TMEM150B: variants seen among roughly 807,000 people sequenced by gnomAD.
The protein encoded by TMEM150B is modulator of macroautophagy TMEM150B.
In TMEM150B, 33 loss-of-function variants were observed where a neutral mutation model predicts 25.2. That is an observed-to-expected ratio of 1.31 (90% CI 0.99 to 1.75). The LOEUF is 1.75. TMEM150B is among the 40% of genes most tolerant of loss of function. The pLI is 0.00. For missense variants in TMEM150B, 322 were observed against 306.1 expected, an observed-to-expected ratio of 1.05 and a Z score of -0.39; for synonymous variants, 133 against 134.8, an observed-to-expected ratio of 0.99 and a Z score of 0.09.
chr19:55,319,619 A>G (rs543379545), intron 6 of TMEM150B: 496 of 413,258 alleles, frequency 1.2e-3, no homozygotes, highest in Admixed American at 3.6e-3. Flanking sequence ...TAATTTTTGT[A>G]TATTTTAGGA....
At chr19:55,320,244 G>T (rs1600228358) in intron 5 of TMEM150B, 78 bp from the exon 6 acceptor site, 2 of 1,553,646 alleles carry the variant, frequency 1.3e-6, no homozygotes, top group East Asian at 4.5e-5. Context: ...AGTGAGGGGA[G>T]CAAGGTGAGG....
rs1462434532 is a variant in TMEM150B, at chr19:55,312,877, G to C, written c.684C>G (p.Ser228=). ...SLSPPPASPI[S]LPVQL ...GTGCCTGCTACAGCTGGACCGGCAG[G>C]GAGATGGGGGAGGCCGGCGGGGGGC... Residue 228 remains serine, a synonymous_variant, in exon 8 of 8, where the codon TCC becomes TCG. Coordinates refer to ENST00000326652, the MANE Select transcript of TMEM150B (RefSeq NM_001282011.2). 1 of 1,595,934 alleles carries C rather than the reference G, an allele frequency of 6.3e-7. No homozygotes were observed. Among genetic ancestry groups the C allele is most frequent in the African/African-American group, 1.3e-5 (1 of 74,466 alleles).
At chr19:55,321,405 C>A (rs1351013646) in intron 2 of TMEM150B, among the ~76,000 whole-genome samples, 1 of 152,018 alleles carries the variant, frequency 6.6e-6, no homozygotes, top group Non-Finnish European at 1.5e-5. Flanking sequence ...AGTCCTGGGA[C>A]TGGGGCTGGG....
chr19:55,311,890 A>T, downstream of TMEM150B: 1 of 1,609,872 alleles, frequency 6.2e-7, no homozygotes, highest in African/African-American at 1.3e-5. Flanking sequence ...AACCCACGAA[A>T]AACCTCTTCC....
Position 55,313,104 on chromosome 19 carries a change from C to T in TMEM150B, c.506-49G>A, listed in dbSNP as rs753236789. 2.4e-5 allele frequency: 37 copies of T among 1,537,956 alleles called. 1 individual carries two copies. The highest frequency in any genetic ancestry group is 4.8e-5 in the East Asian group (2 of 41,938). On this transcript the variant is annotated intron_variant, in intron 7 of 7. Coordinates refer to ENST00000326652, the MANE Select transcript of TMEM150B (RefSeq NM_001282011.2). ...CTGCTACCGTGACAGACGCGGAGCC[C>T]GGCCTGGTCTCTGTGCCGCCTCGCG... is the stretch of plus-strand genomic sequence containing the variant.
chr19:55,320,969 A>G lies in TMEM150B; in HGVS notation c.68T>C (p.Val23Ala), dbSNP rs773310613. 5 of 1,613,334 alleles carry G rather than the reference A, an allele frequency of 3.1e-6. No homozygotes were observed. The highest frequency in any genetic ancestry group is 4.2e-6 in the Non-Finnish European group (5 of 1,179,610). Reference protein sequence around the residue: ...AVWAISGVWIVFAIAVTNRTV... With the variant: ...AVWAISGVWIAFAIAVTNRTV... ...AGTCCATCATGCCTCTGACACTCACACGATCCAGACGCCAGAGATAGCCCA... is the reference window on the plus strand; with the variant it reads ...AGTCCATCATGCCTCTGACACTCACGCGATCCAGACGCCAGAGATAGCCCA... The change falls in exon 3 of 8, where the codon GTT becomes GCT. Residue 23 changes from valine (V) to alanine (A), a missense_variant and splice_region_variant. Val to Ala is a moderately conservative substitution (Grantham distance 64). Transcript: ENST00000326652.
chr19:55,321,216 T>G (rs1473945706), intron 2 of TMEM150B, 123 bp from the exon 3 acceptor site: 1 of 1,331,802 alleles, frequency 7.5e-7, no homozygotes, highest in Non-Finnish European at 9.8e-7. Flanking sequence ...CAGCTCTCCA[T>G]TTCCAGGCAA....
chr19:55,316,413 A>G (rs1461363903), intron 7 of TMEM150B, among the ~76,000 whole-genome samples: 3 of 152,018 alleles, frequency 2.0e-5, no homozygotes, highest in Admixed American at 6.6e-5. Context: ...TTAGTATATC[A>G]TTCTTCCAGC....
intron 1 of TMEM150B, chr19:55,324,932 G>T: frequency 1.0e-6 from 1 of 968,390 alleles, no homozygotes; most frequent in Non-Finnish European, 1.2e-6. Context: ...AGCTATGAGG[G>T]AGCCCAGGGG....
chr19:55,319,683 CAGG>C, intron 6 of TMEM150B: 1 of 1,013,130 alleles, frequency 9.9e-7, no homozygotes, highest in Non-Finnish European at 1.2e-6. Flanking sequence ...CTCCTCACCT[CAGG>C]CGATCCGCCT....
downstream of TMEM150B, chr19:55,312,616 C>T (rs904365831): frequency 1.9e-5 from 8 of 418,496 alleles, no homozygotes; most frequent in Admixed American, 4.1e-5. Flanking sequence ...CTTGGCCTCT[C>T]GATTCCTGGG....
In TMEM150B at chr19:55,316,939, C is replaced by T. The variant is rs1348387351; in HGVS notation, c.352G>A (p.Ala118Thr). The T allele has an allele frequency of 6.2e-7, 1 of 1,604,890 alleles. No individual in the cohort carries two copies. The highest frequency in any genetic ancestry group is 8.5e-7 in the Non-Finnish European group (1 of 1,177,058). ...AAGATGAAGGCAAGGAAGGCCCCTG[C>T]CAAGTGCGTAGGCCGCTGGTTCTTT... ...QEKNQRPTHL[A>T]GAFLAFILGN... The change falls in exon 7 of 8, where the codon GCA (alanine) becomes ACA (threonine). Residue 118 changes from alanine to threonine, a missense_variant. Coordinates refer to ENST00000326652, the MANE Select transcript of TMEM150B (RefSeq NM_001282011.2).
rs979399979 is a variant in TMEM150B, at chr19:55,321,806, G to A, written c.-57-713C>T. 7.9e-5 allele frequency among the ~76,000 whole-genome samples: 12 copies of A among 152,166 alleles called. No homozygotes were observed. The East Asian group carries it at 2.3e-3, about 29-fold the overall frequency. ...AACCTCCCAGCTCTTACCTACTCGG[G>A]TACCCAAGAGTGAGGGCCTCAGGTC... On this transcript the variant is annotated intron_variant, in intron 2 of 7. Coordinates refer to ENST00000326652, the MANE Select transcript of TMEM150B (RefSeq NM_001282011.2).
intron 7 of TMEM150B, 87 bp from the exon 8 acceptor site, chr19:55,313,142 C>T (rs1003426886): frequency 2.8e-5 from 39 of 1,373,310 alleles, no homozygotes; most frequent in African/African-American, 5.8e-5. Context: ...GGGCGGAGGC[C>T]GTCTCTGGGT....
chr19:55,323,043 C>G (rs1209467562), intron 1 of TMEM150B, among the ~76,000 whole-genome samples: 1 of 152,140 alleles, frequency 6.6e-6, no homozygotes, highest in Non-Finnish European at 1.5e-5. Context: ...CAGAACTCTT[C>G]CCTTAGACAC....
chr19:55,320,174 TAG>T lies in TMEM150B; in HGVS notation c.197-10_197-9del. 1 of 1,608,360 alleles carries T rather than the reference TAG, an allele frequency of 6.2e-7. No individual in the cohort carries two copies. Among genetic ancestry groups the T allele is most frequent in the Non-Finnish European group, 8.5e-7 (1 of 1,177,924 alleles). On this transcript the variant is annotated splice_polypyrimidine_tract_variant and intron_variant, in intron 5 of 7. Coordinates refer to ENST00000326652, the MANE Select transcript of TMEM150B (RefSeq NM_001282011.2). ...CAATGCAGATCCACGCGGCTGGGAG[TAG>T]AGGGGAGAAGGAAGTGGGAGGGAGA... is the stretch of plus-strand genomic sequence containing the variant.
At chr19:55,312,611 C>T (rs1445788170), downstream of TMEM150B, 1 of 403,730 alleles carries the variant, frequency 2.5e-6, no homozygotes, top group African/African-American at 2.1e-5. Context: ...CTGGCCTTGG[C>T]CTCTCGATTC....
rs376687658 is a variant in TMEM150B, at chr19:55,313,015, C to G, written c.546G>C (p.Ala182=). 3.1e-6 allele frequency: 5 copies of G among 1,613,230 alleles called. No homozygotes were observed. Among genetic ancestry groups the G allele is most frequent in the African/African-American group, 1.3e-5 (1 of 74,910 alleles). Residue 182 remains alanine (A), a synonymous_variant, in exon 8 of 8, where the codon GCG becomes GCC. Transcript: ENST00000326652. ...GCATGGCCACGACCCACTCGCAGGC[C>G]GCAGAGACGCTACGCAGCGAGCAGG... is the stretch of plus-strand genomic sequence containing the variant. ...LHACSLRSVS[A]ACEWVVAMLL...
chr19:55,319,829 T>C, intron 6 of TMEM150B: 1 of 1,405,394 alleles, frequency 7.1e-7, no homozygotes, highest in South Asian at 1.6e-5. Flanking sequence ...AACGAAGTCC[T>C]ACATACAAAC....
Sources: gnomAD v4.1 joint callset for allele counts (sites outside exome capture counted in the v4.1 genomes callset) on GRCh38, gnomAD v4.1.1 for gene constraint, MANE v1.5 for transcripts, NCBI Gene and HGNC (gene_info 2026-07-23, HGNC 2026-07-21) for gene names.